Variants in TMCC3 observed in about 807,000 individuals in gnomAD.
TMCC3 encodes transmembrane and coiled-coil domain protein 3.
TMCC3 carries 28 observed loss-of-function variants against 40.2 expected under a neutral mutation model. The ratio of observed to expected loss-of-function variants is 0.70; its 90% CI spans 0.52 to 0.95. The LOEUF is 0.95. Among genes scored for constraint, TMCC3 ranks in the 40% least tolerant of loss-of-function variants. The pLI is 0.00. For missense variants in TMCC3, 554 were observed against 615.2 expected (o/e 0.90, Z 1.05); for synonymous variants, 255 against 248.5 (o/e 1.03, Z -0.25).
At chr12:94,620,371 T>G (rs1566330907) in intron 1 of TMCC3, among the ~76,000 whole-genome samples, 1 of 151,436 alleles carries the variant, frequency 6.6e-6, no homozygotes, top group Non-Finnish European at 1.5e-5. Flanking sequence ...CACTGCAACC[T>G]TCGCCTCCCA....
At chr12:94,584,048 A>G (rs1324680627) in intron 1 of TMCC3, among the ~76,000 whole-genome samples, 5 of 152,120 alleles carry the variant, frequency 3.3e-5, no homozygotes, top group Non-Finnish European at 7.4e-5. Flanking sequence ...GACAGCAAAA[A>G]AATTAGTAAA....
intron 1 of TMCC3, chr12:94,598,785 T>G: frequency 1.0e-6 from 1 of 983,916 alleles, no homozygotes; most frequent in Non-Finnish European, 1.2e-6. Context: ...GATCATACTG[T>G]TTTGTGATCT....
intron 1 of TMCC3, among the ~76,000 whole-genome samples, chr12:94,602,360 C>T (rs1046301906): frequency 3.3e-5 from 5 of 152,188 alleles, no homozygotes; most frequent in African/African-American, 1.2e-4. Context: ...TTTCACAGGG[C>T]TTTAAAATAA....
chr12:94,599,961 A>G (rs1000918631), intron 1 of TMCC3, among the ~76,000 whole-genome samples: 2 of 152,200 alleles, frequency 1.3e-5, no homozygotes, highest in African/African-American at 4.8e-5. Flanking sequence ...AAGCTGAGCC[A>G]GGAGGATCGT....
chr12:94,627,873 C>G (rs1001073748), intron 1 of TMCC3, among the ~76,000 whole-genome samples: 6 of 152,216 alleles, frequency 3.9e-5, no homozygotes, highest in African/African-American at 1.2e-4. Context: ...CCTTGCCCTA[C>G]CAGAATACAT....
At chr12:94,623,784 C>T (rs2068888772) in intron 1 of TMCC3, among the ~76,000 whole-genome samples, 1 of 152,230 alleles carries the variant, frequency 6.6e-6, no homozygotes, top group Non-Finnish European at 1.5e-5. Context: ...GCCTTCCAAC[C>T]CTGGACCTCA....
intron 1 of TMCC3, among the ~76,000 whole-genome samples, chr12:94,641,281 G>A (rs1274711693): frequency 6.6e-6 from 1 of 152,142 alleles, no homozygotes; most frequent in African/African-American, 2.4e-5. Flanking sequence ...CAGGCATCTG[G>A]TTTGCTGACT....
intron 2 of TMCC3, among the ~76,000 whole-genome samples, chr12:94,580,224 G>GA (rs1267340445): frequency 1.3e-5 from 2 of 151,896 alleles, no homozygotes; most frequent in Admixed American, 6.6e-5. Flanking sequence ...CTCTTTATTG[G>GA]AAAAAATGGG....
chr12:94,584,973 AG>A (rs2068629588), intron 1 of TMCC3, among the ~76,000 whole-genome samples: 1 of 152,150 alleles, frequency 6.6e-6, no homozygotes, highest in Admixed American at 6.5e-5. Flanking sequence ...GGACCCAAAC[AG>A]GAACAGGTTC....
In TMCC3 at chr12:94,592,545, G is replaced by A. The variant is rs537318026; in HGVS notation, c.79-10007C>T. ...TGTAATCCCAGCTACTCAGGAGGCTGAGGCAGGAGAATCACTTGGACCCCG... is the reference window on the plus strand; with the variant it reads ...TGTAATCCCAGCTACTCAGGAGGCTAAGGCAGGAGAATCACTTGGACCCCG... On this transcript the variant is annotated intron_variant, in intron 1 of 3. Transcript: ENST00000261226. 3.4e-3 allele frequency among the ~76,000 whole-genome samples: 506 copies of A among 149,470 alleles called. 1 individual carries two copies. The highest frequency in any genetic ancestry group is 0.012 in the African/African-American group (475 of 40,304).
intron 1 of TMCC3, among the ~76,000 whole-genome samples, chr12:94,639,913 G>A (rs2068980671): frequency 6.6e-6 from 1 of 152,114 alleles, no homozygotes; most frequent in Non-Finnish European, 1.5e-5. Context: ...CCATGAGTGG[G>A]AAAAATGTTT....
chr12:94,637,933 C>T (rs549303681), intron 1 of TMCC3, among the ~76,000 whole-genome samples: 1 of 152,218 alleles, frequency 6.6e-6, no homozygotes, highest in Admixed American at 6.5e-5. Context: ...TGCTCCATGC[C>T]TAGAAAAAAG....
At chr12:94,592,744 G>C (rs978120074) in intron 1 of TMCC3, among the ~76,000 whole-genome samples, 2 of 149,046 alleles carry the variant, frequency 1.3e-5, no homozygotes, top group Non-Finnish European at 3.0e-5. Flanking sequence ...GGATCATTTG[G>C]AACAGGAGCT....
At chr12:94,582,996 A>ATTTTTTTTT (rs1566316435) in intron 1 of TMCC3, among the ~76,000 whole-genome samples, 1 of 22,090 alleles carries the variant, frequency 4.5e-5, no homozygotes. Flanking sequence ...TTTTTTTTTA[A>ATTTTTTTTT]AAAAGAAAGA....
At chr12:94,578,045 A>T (rs945824876) in intron 3 of TMCC3, among the ~76,000 whole-genome samples, 1 of 148,750 alleles carries the variant, frequency 6.7e-6, no homozygotes, top group Non-Finnish European at 1.5e-5. Context: ...GCTACTCAGG[A>T]GGCTGAGGCA....
At chr12:94,594,207 A>G (rs1289458449) in intron 1 of TMCC3, among the ~76,000 whole-genome samples, 18 of 149,058 alleles carry the variant, frequency 1.2e-4, no homozygotes, top group African/African-American at 4.6e-4. Flanking sequence ...AAATATATAT[A>G]TATATATATA....
chr12:94,622,318 T>C lies in TMCC3; in HGVS notation c.78+28035A>G, dbSNP rs527579681. Among the ~76,000 whole-genome samples the C allele has an allele frequency of 7.2e-5, 11 of 152,294 alleles. No individual in the cohort carries two copies. The South Asian group carries it at 2.1e-3, about 29-fold the overall frequency. On this transcript the variant is annotated intron_variant, in intron 1 of 3. Transcript: ENST00000261226. ...TCAATCGAGATATAATTGCCTCTAA[T>C]TGGCCCTCCCACACGATCTCACAAC...
At chr12:94,634,729 C>T (rs1387481266) in intron 1 of TMCC3, among the ~76,000 whole-genome samples, 1 of 152,166 alleles carries the variant, frequency 6.6e-6, no homozygotes, top group Non-Finnish European at 1.5e-5. Flanking sequence ...ATAAATGAGC[C>T]ACCTGAATGA....
chr12:94,591,625 A>T (rs2138837738), intron 1 of TMCC3, among the ~76,000 whole-genome samples: 1 of 152,252 alleles, frequency 6.6e-6, no homozygotes, highest in East Asian at 1.9e-4. Flanking sequence ...GCATGGTGGC[A>T]TGCACTTGTA....
Sources: allele counts gnomAD v4.1 joint callset (sites outside exome capture counted in the v4.1 genomes callset), GRCh38; gene constraint gnomAD v4.1.1; transcripts MANE v1.5; gene names NCBI Gene and HGNC (gene_info 2026-07-23, HGNC 2026-07-21).